The following COL5A1 variants were observed in gnomAD, a reference collection of about 807,000 sequenced individuals.
COL5A1 encodes collagen type V alpha 1 chain.
COL5A1 carries 16 observed loss-of-function variants against 263.7 expected under a neutral mutation model. That is an observed-to-expected ratio of 0.06 (90% confidence interval 0.04 to 0.09). The LOEUF (loss-of-function observed/expected upper bound fraction) is 0.09, where lower values mean the gene tolerates loss of function less well. COL5A1 is among the 10% of genes least tolerant of loss of function. The pLI is 1.00. For synonymous variants in COL5A1, 1,012 were observed against 1,004.5 expected (o/e 1.01, Z -0.14); for missense variants, 2,036 against 2,540.5 (o/e 0.80, Z 4.27).
chr9:134,844,627 C>CA lies in COL5A1; in HGVS notation c.*2330dup, dbSNP rs1357305792. On this transcript the variant is annotated 3_prime_UTR_variant, in exon 66 of 66. Coordinates refer to ENST00000371817, the MANE Select transcript of COL5A1 (RefSeq NM_000093.5). Reference sequence around the variant, plus strand: ...CTGGCAAAAAGAAAAAAATGGTAAGCAAAAAACCCAAGATAAAGTTTCGAG... The same window carrying CA: ...CTGGCAAAAAGAAAAAAATGGTAAGCAAAAAAACCCAAGATAAAGTTTCGAG... 1.2e-4 allele frequency: 18 copies of CA among 151,982 alleles called. No homozygotes were observed. The highest frequency in any genetic ancestry group is 4.1e-4 in the African/African-American group (17 of 41,358). The allele number at this position is 151,982 out of a possible 1,614,324, so 9.4% of individuals were successfully genotyped here. A position where few individuals can be genotyped will look rare whatever the true frequency, so the allele number is the denominator to read the frequency against.
At chr9:134,806,437 G>A in intron 42 of COL5A1, 141 bp downstream of exon 42, 1 of 643,434 alleles carries the variant, frequency 1.6e-6, no homozygotes, top group Non-Finnish European at 2.8e-6. Context: ...CGGCCCTCTA[G>A]GACAGAGCGT....
At chr9:134,691,406 G>T (rs537965961) in intron 2 of COL5A1, among the ~76,000 whole-genome samples, 1 of 152,206 alleles carries the variant, frequency 6.6e-6, no homozygotes, top group Non-Finnish European at 1.5e-5. Context: ...GAGTCGGATG[G>T]GTCCTGAGGG....
At position 134,750,851 on chromosome 9, in the gene COL5A1, C is replaced by T. The variant is rs893392661; in HGVS notation, c.1631C>T (p.Ser544Phe). Residue 544 changes from serine (S) to phenylalanine (F), a missense_variant, in exon 13 of 66, where the codon TCC (serine) becomes TTC (phenylalanine). Ser to Phe is a radical substitution (Grantham distance 155, BLOSUM62 -2). Coordinates refer to ENST00000371817, the MANE Select transcript of COL5A1 (RefSeq NM_000093.5). The part of the protein sequence containing the change: ...SKGPMVSAQE[S>F]QAQAILQQAR... ...GGCCCCATGGTCTCAGCCCAGGAGT[C>T]CCAGGCGCAAGCCATTCTCCAGCAG... 5.0e-6 allele frequency: 8 copies of T among 1,612,872 alleles called. No homozygotes were observed. Among genetic ancestry groups the T allele is most frequent in the Non-Finnish European group, 6.8e-6 (8 of 1,179,996 alleles).
intron 2 of COL5A1, among the ~76,000 whole-genome samples, chr9:134,693,853 G>A (rs1165118606): frequency 6.6e-6 from 1 of 152,174 alleles, no homozygotes; most frequent in African/African-American, 2.4e-5. Context: ...GGAAAGGGCT[G>A]TTTGCTTGGG....
chr9:134,737,797 C>G (rs1329914853), intron 9 of COL5A1, among the ~76,000 whole-genome samples: 3 of 152,112 alleles, frequency 2.0e-5, no homozygotes, highest in Non-Finnish European at 4.4e-5. Context: ...GGCCCTGTCC[C>G]CATTGGGGTT....
intron 7 of COL5A1, among the ~76,000 whole-genome samples, chr9:134,730,835 G>A (rs952326432): frequency 1.3e-5 from 2 of 152,176 alleles, no homozygotes; most frequent in East Asian, 1.9e-4. Flanking sequence ...TGTGGCCTGG[G>A]TGTGGCCAGG....
intron 36 of COL5A1, among the ~76,000 whole-genome samples, chr9:134,797,165 T>G (rs1365535638): frequency 6.6e-6 from 1 of 151,526 alleles, no homozygotes; most frequent in African/African-American, 2.4e-5. Flanking sequence ...TGGGGTCCTC[T>G]CTCCTTGAGA....
intron 4 of COL5A1, among the ~76,000 whole-genome samples, chr9:134,719,297 G>A (rs1834371672): frequency 1.3e-5 from 2 of 152,186 alleles, no homozygotes; most frequent in South Asian, 2.1e-4. Flanking sequence ...CTGTGCACAC[G>A]ACGTAGGCAT....
chr9:134,814,161 CT>C, intron 49 of COL5A1, 125 bp downstream of exon 49: 1 of 934,128 alleles, frequency 1.1e-6, no homozygotes, highest in South Asian at 1.6e-5. Context: ...TGTAACCCCT[CT>C]TGTGCCCATT....
At chr9:134,774,140 G>T (rs1335770997) in intron 26 of COL5A1, among the ~76,000 whole-genome samples, 1 of 152,242 alleles carries the variant, frequency 6.6e-6, no homozygotes, top group Non-Finnish European at 1.5e-5. Context: ...CTTACTCCCT[G>T]GGACTTCCTG....
intron 31 of COL5A1, among the ~76,000 whole-genome samples, chr9:134,786,566 C>A (rs1014273637): frequency 2.6e-5 from 4 of 152,208 alleles, no homozygotes; most frequent in Non-Finnish European, 1.5e-5. Flanking sequence ...CGCCTCTCAA[C>A]TCTACCTCAC....
intron 64 of COL5A1, among the ~76,000 whole-genome samples, chr9:134,830,676 C>T (rs1839578985): frequency 6.6e-6 from 1 of 152,256 alleles, no homozygotes; most frequent in South Asian, 2.1e-4. Context: ...TTCCCAGTTA[C>T]ACTGCACACC....
At position 134,814,782 on chromosome 9, in the gene COL5A1, G is replaced by C. The variant is rs554070859; in HGVS notation, c.3907-15G>C. Reference sequence around the variant, plus strand: ...GGTTGGCTCTGAGGACTTGACACTGGCCTCTTTCCTCCAGGGACCCAAAGG... The same window carrying C: ...GGTTGGCTCTGAGGACTTGACACTGCCCTCTTTCCTCCAGGGACCCAAAGG... On this transcript the variant is annotated splice_polypyrimidine_tract_variant and intron_variant, in intron 49 of 65. Coordinates refer to ENST00000371817, the MANE Select transcript of COL5A1 (RefSeq NM_000093.5). The C allele has an allele frequency of 5.2e-6, 8 of 1,542,960 alleles. No individual in the cohort carries two copies. In the Admixed American group the frequency reaches 1.6e-4, roughly 30 times the overall value.
At position 134,755,988 on chromosome 9, in the gene COL5A1, C is replaced by T. The variant is rs1835956443; in HGVS notation, c.1828-777C>T. ...TCTATACTCGCTGGCTGGGGTGCCT[C>T]GTTGTGCAGGGTGGCAGCCCTCTGT... On this transcript the variant is annotated intron_variant, in intron 16 of 65. Coordinates refer to ENST00000371817, the MANE Select transcript of COL5A1 (RefSeq NM_000093.5). The surrounding 1 kb of genome is among the most constrained non-coding windows in gnomAD (Gnocchi z 4.1). Among the ~76,000 whole-genome samples the T allele has an allele frequency of 6.6e-6, 1 of 151,818 alleles. No homozygotes were observed. Among genetic ancestry groups the T allele is most frequent in the Admixed American group, 6.6e-5 (1 of 15,250 alleles).
At position 134,816,209 on chromosome 9, in the gene COL5A1, C is replaced by T. The variant is rs551560634; in HGVS notation, c.4122+221C>T. Among the ~76,000 whole-genome samples, 472 of 152,358 alleles carry T rather than the reference C, an allele frequency of 3.1e-3. 3 individuals carry two copies. The highest frequency in any genetic ancestry group is 0.01 in the African/African-American group (420 of 41,584). ...GCTCATGAACTCCCTCTGAGATGCA[C>T]GTGCTGTCTCAGCAGCAGGTTTGCA... On this transcript the variant is annotated intron_variant, in intron 52 of 65. Coordinates refer to ENST00000371817, the MANE Select transcript of COL5A1 (RefSeq NM_000093.5).
At chr9:134,725,673 T>G (rs982852490) in intron 4 of COL5A1, among the ~76,000 whole-genome samples, 3 of 152,234 alleles carry the variant, frequency 2.0e-5, no homozygotes, top group African/African-American at 7.2e-5. Context: ...GAATAAGTGC[T>G]TGCATGCTTT....
At chr9:134,725,697 A>G (rs1834623046) in intron 4 of COL5A1, among the ~76,000 whole-genome samples, 1 of 152,228 alleles carries the variant, frequency 6.6e-6, no homozygotes, top group South Asian at 2.1e-4. Flanking sequence ...CGGCTGACAC[A>G]GTTAGAGTGT....
Position 134,842,899 on chromosome 9 carries a change from ATTG to A in COL5A1, c.*599_*601del, listed in dbSNP as rs1432832985. On this transcript the variant is annotated 3_prime_UTR_variant, in exon 66 of 66. Transcript: ENST00000371817. This position sits in a 1 kb window ranked among gnomAD's most constrained non-coding sequence, Gnocchi z 5.8. ...AGTTTTAAGTAAATATTTGTATTGT[ATTG>A]TTATAAATGTTAAGTGTGCCTGGCT... 1 of 160,582 alleles carries A rather than the reference ATTG, an allele frequency of 6.2e-6. No homozygotes were observed. Among genetic ancestry groups the A allele is most frequent in the African/African-American group, 2.4e-5 (1 of 41,508 alleles). 9.9% of individuals were successfully genotyped at this position (160,582 alleles called of 1,614,324 possible). A position where few individuals can be genotyped will look rare whatever the true frequency, so the allele number is the denominator to read the frequency against.
rs1838973930 is a variant in COL5A1 at position 134,821,027 on chromosome 9, G to T, written c.4554+804G>T. 6.6e-6 allele frequency among the ~76,000 whole-genome samples: 1 copy of T among 152,174 alleles called. No individual in the cohort carries two copies. The highest frequency in any genetic ancestry group is 2.4e-5 in the African/African-American group (1 of 41,450). ...CACCCTCACTATGGGCCCGGGGAAG[G>T]TTGCAGGACATGGCTGAAGGGTGGA... is the stretch of plus-strand genomic sequence containing the variant. On this transcript the variant is annotated intron_variant, in intron 58 of 65. Coordinates refer to ENST00000371817, the MANE Select transcript of COL5A1 (RefSeq NM_000093.5). The surrounding 1 kb of genome is among the most constrained non-coding windows in gnomAD (Gnocchi z 4.2).
Sources: allele counts gnomAD v4.1 joint callset (sites outside exome capture counted in the v4.1 genomes callset), GRCh38; gene constraint gnomAD v4.1.1; non-coding constraint Gnocchi (gnomAD v3.1); transcripts MANE v1.5; gene names NCBI Gene and HGNC (gene_info 2026-07-23, HGNC 2026-07-21).